Variants in PIK3C2A observed in about 807,000 individuals in gnomAD.
The protein encoded by PIK3C2A is phosphatidylinositol-4-phosphate 3-kinase catalytic subunit type 2 alpha.
In PIK3C2A, 97 loss-of-function variants were observed where a neutral mutation model predicts 204.5. The observed-to-expected ratio is 0.47, with a 90% CI of 0.40 to 0.56. The LOEUF is 0.56. Among genes scored for constraint, PIK3C2A ranks in the 20% least tolerant of loss-of-function variants. The pLI is 0.00. For missense variants in PIK3C2A, 1,735 were observed against 1,969.2 expected (o/e 0.88, Z 2.25); for synonymous variants, 653 against 664.4 (o/e 0.98, Z 0.26).
At chr11:17,172,255 G>A (rs1346502287) in intron 1 of PIK3C2A, among the ~76,000 whole-genome samples, 1 of 152,158 alleles carries the variant, frequency 6.6e-6, no homozygotes, top group African/African-American at 2.4e-5. Context: ...TGAAATGGAA[G>A]TGACACTGTG....
chr11:17,091,286 TAAA>T, intron 32 of PIK3C2A, 45 bp downstream of exon 32: 1 of 1,548,150 alleles, frequency 6.5e-7, no homozygotes, highest in Non-Finnish European at 8.8e-7. Flanking sequence ...AAATGAAAAT[TAAA>T]AAAATAATAA....
intron 1 of PIK3C2A, among the ~76,000 whole-genome samples, chr11:17,182,279 A>G (rs1016463114): frequency 1.3e-5 from 2 of 152,126 alleles, no homozygotes; most frequent in Non-Finnish European, 2.9e-5. Flanking sequence ...TGCGTTACTT[A>G]ACCATAAAGA....
At chr11:17,203,690 T>C (rs868215479) in intron 1 of PIK3C2A, among the ~76,000 whole-genome samples, 9 of 152,210 alleles carry the variant, frequency 5.9e-5, no homozygotes, top group South Asian at 4.2e-4. Context: ...GTGGTGGTTG[T>C]TTTTTGAGAC....
At chr11:17,157,746 A>G (rs1850644063) in intron 2 of PIK3C2A, among the ~76,000 whole-genome samples, 1 of 152,192 alleles carries the variant, frequency 6.6e-6, no homozygotes, top group African/African-American at 2.4e-5. Flanking sequence ...TCCCCATTGT[A>G]TTGACCTCAG....
rs747686064 is a variant in PIK3C2A at position 17,088,544 on chromosome 11, A to G, written c.*1194T>C. 6.6e-6 allele frequency: 1 copy of G among 152,234 alleles called. No homozygotes were observed. The highest frequency in any genetic ancestry group is 1.5e-5 in the Non-Finnish European group (1 of 68,054). The allele number at this position is 152,234 out of a possible 1,614,324, so 9.4% of individuals were successfully genotyped here. A position where few individuals can be genotyped will look rare whatever the true frequency, so the allele number is the denominator to read the frequency against. ...GGCAGGAGCCACCGTGCCCGGCCGA[A>G]TCTTATTCTTACTGGTTACTGTAGA... On this transcript the variant is annotated 3_prime_UTR_variant, in exon 33 of 33. Coordinates refer to ENST00000691414, the MANE Select transcript of PIK3C2A (RefSeq NM_002645.4).
At chr11:17,169,984 G>A (rs1851106888) in intron 1 of PIK3C2A, among the ~76,000 whole-genome samples, 178 bp from the exon 2 acceptor site, 1 of 152,160 alleles carries the variant, frequency 6.6e-6, no homozygotes, top group African/African-American at 2.4e-5. Context: ...ATACACTGTT[G>A]GGTTACAGAA....
chr11:17,135,301 C>T, intron 9 of PIK3C2A, 142 bp from the exon 10 acceptor site: 2 of 803,582 alleles, frequency 2.5e-6, no homozygotes, highest in Non-Finnish European at 2.0e-6. Context: ...ATAAATAATG[C>T]AAAAAGAAAG....
chr11:17,167,253 A>G (rs921528839), intron 2 of PIK3C2A, among the ~76,000 whole-genome samples: 1 of 152,142 alleles, frequency 6.6e-6, no homozygotes, highest in African/African-American at 2.4e-5. Flanking sequence ...GATTATAAAC[A>G]TGAGCCATCA....
At chr11:17,137,933 T>C (rs578187492) in intron 8 of PIK3C2A, 6 of 430,648 alleles carry the variant, frequency 1.4e-5, no homozygotes, top group South Asian at 1.3e-4. Flanking sequence ...CTAATTTTTT[T>C]AAAAAGTCTT....
chr11:17,122,321 A>C lies in PIK3C2A; in HGVS notation c.2524T>G (p.Ser842Ala), dbSNP rs768720821. Reference protein sequence around the residue: ...ERIVLQVDFPSPAFDIIYTTP... With the variant: ...ERIVLQVDFPAPAFDIIYTTP... The stretch of plus-strand genomic sequence containing the variant: ...GTATAAATAATATCAAATGCAGGAG[A>C]AGGAAAATCAACCTTTAAAATTTAA... Residue 842 changes from serine (S) to alanine (A), a missense_variant, in exon 15 of 33, where the codon TCT becomes GCT. Physicochemically the swap from Ser to Ala is moderately conservative, Grantham distance 99. Around this residue, in one of 6 missense-constraint regions of PIK3C2A, gnomAD observed 567 missense variants for 576.0 expected, o/e 0.98. Coordinates refer to ENST00000691414, the MANE Select transcript of PIK3C2A (RefSeq NM_002645.4). 6.5e-7 allele frequency: 1 copy of C among 1,541,386 alleles called. No individual in the cohort carries two copies. Among genetic ancestry groups the C allele is most frequent in the Non-Finnish European group, 8.9e-7 (1 of 1,121,052 alleles).
chr11:17,117,623 T>A lies in PIK3C2A; in HGVS notation c.3084A>T (p.Glu1028Asp). Residue 1028 changes from glutamate (E) to aspartate (D), a missense_variant, in exon 19 of 33, where the codon GAA becomes GAT. Around this residue, in one of 6 missense-constraint regions of PIK3C2A, gnomAD observed 567 missense variants for 576.0 expected, o/e 0.98. Coordinates refer to ENST00000691414, the MANE Select transcript of PIK3C2A (RefSeq NM_002645.4). Reference sequence around the variant, plus strand: ...CTGACAGGAGAGCACCCAAAACATGTTCGTATCGGGTACTAAACTGTACAT... The same window carrying A: ...CTGACAGGAGAGCACCCAAAACATGATCGTATCGGGTACTAAACTGTACAT... ...LHDVQFSTRYEHVLGALLSVG... is the reference protein window; with the variant it reads ...LHDVQFSTRYDHVLGALLSVG... 1 of 1,613,118 alleles carries A rather than the reference T, an allele frequency of 6.2e-7. No homozygotes were observed. The highest frequency in any genetic ancestry group is 2.2e-5 in the East Asian group (1 of 44,884).
intron 1 of PIK3C2A, among the ~76,000 whole-genome samples, chr11:17,170,134 CATGAAATG>C (rs932987022): frequency 8.5e-5 from 13 of 152,282 alleles, no homozygotes; most frequent in East Asian, 7.7e-4. Context: ...GAATTCTTAG[CATGAAATG>C]ACTTAAGTGC....
intron 2 of PIK3C2A, among the ~76,000 whole-genome samples, chr11:17,162,867 A>C (rs1850824982): frequency 6.6e-6 from 1 of 152,148 alleles, no homozygotes; most frequent in African/African-American, 2.4e-5. Context: ...GTCTCTTTCT[A>C]AGTTCCTTTA....
At chr11:17,182,411 T>A (rs74925119) in intron 1 of PIK3C2A, among the ~76,000 whole-genome samples, 68 of 151,790 alleles carry the variant, frequency 4.5e-4, no homozygotes, top group African/African-American at 1.2e-3. Flanking sequence ...TACACAAATT[T>A]TAAAAATTAG....
chr11:17,195,439 G>A (rs1852115442), intron 1 of PIK3C2A, among the ~76,000 whole-genome samples: 1 of 151,846 alleles, frequency 6.6e-6, no homozygotes, highest in African/African-American at 2.4e-5. Flanking sequence ...TAGAAACATG[G>A]CCAGGTGCAG....
intron 1 of PIK3C2A, among the ~76,000 whole-genome samples, chr11:17,203,935 G>A (rs562671139): frequency 1.3e-5 from 2 of 152,296 alleles, no homozygotes; most frequent in African/African-American, 4.8e-5. Context: ...TTAGCTGGGC[G>A]TGGTGGCGGG....
At chr11:17,112,049 A>T (rs565321952) in intron 21 of PIK3C2A, among the ~76,000 whole-genome samples, 5 of 152,206 alleles carry the variant, frequency 3.3e-5, no homozygotes, top group African/African-American at 1.2e-4. Context: ...TATATATCAA[A>T]AGTGGTTCAA....
chr11:17,093,715 G>A (rs1250547428), intron 28 of PIK3C2A, among the ~76,000 whole-genome samples: 1 of 151,306 alleles, frequency 6.6e-6, no homozygotes, highest in African/African-American at 2.4e-5. Context: ...TTCGCTCACT[G>A]CAACCTCCAC....
intron 16 of PIK3C2A, 43 bp downstream of exon 16, chr11:17,119,743 A>C: frequency 7.8e-7 from 1 of 1,276,074 alleles, no homozygotes; most frequent in East Asian, 2.5e-5. Context: ...CTTACTGGAA[A>C]AACTGACAAT....
Sources: gnomAD v4.1 joint callset for allele counts (sites outside exome capture counted in the v4.1 genomes callset) on GRCh38, gnomAD v4.1.1 for gene constraint, gnomAD v4.1.1 regional missense constraint, MANE v1.5 for transcripts, NCBI Gene and HGNC (gene_info 2026-07-23, HGNC 2026-07-21) for gene names.